Variants in TULP4 observed in about 807,000 individuals in gnomAD.
TULP4 encodes TUB like protein 4, also known as tubby-related protein 4.
A neutral mutation model predicts 129.0 loss-of-function variants in TULP4; 16 were observed. The ratio of observed to expected loss-of-function variants is 0.12; its 90% CI spans 0.08 to 0.19. The LOEUF (loss-of-function observed/expected upper bound fraction) is 0.19. Ranked by LOEUF, TULP4 falls within the 10% of genes least tolerant of loss-of-function variation. The probability of loss-of-function intolerance (pLI) is 1.00; values close to 1 mark genes in which losing one functional copy is unlikely to be tolerated. For synonymous variants in TULP4, 998 were observed against 854.0 expected (o/e 1.17, Z -2.94); for missense variants, 1,842 against 2,059.1 (o/e 0.89, Z 2.04).
intron 8 of TULP4, among the ~76,000 whole-genome samples, chr6:158,487,307 G>A (rs977282317): frequency 1.3e-5 from 2 of 152,236 alleles, no homozygotes; most frequent in African/African-American, 2.4e-5. Context: ...AGCCATGGCA[G>A]CATGCATCTG....
At chr6:158,354,387 A>T (rs1445132294) in intron 1 of TULP4, among the ~76,000 whole-genome samples, 2 of 152,240 alleles carry the variant, frequency 1.3e-5, no homozygotes, top group Non-Finnish European at 2.9e-5. Context: ...TGGGGCATAC[A>T]TTCTGTCGTA....
At chr6:158,403,997 T>TG (rs764529040) in intron 1 of TULP4, among the ~76,000 whole-genome samples, 6 of 152,200 alleles carry the variant, frequency 3.9e-5, no homozygotes, top group Non-Finnish European at 8.8e-5. Context: ...AAGATAAGAA[T>TG]GGCAACATTT....
chr6:158,469,761 A>G (rs1442300752), intron 6 of TULP4, among the ~76,000 whole-genome samples: 1 of 151,868 alleles, frequency 6.6e-6, no homozygotes, highest in Non-Finnish European at 1.5e-5. Flanking sequence ...ACGAGGGGAA[A>G]TGAGGAAAGG....
At chr6:158,306,103 TA>T (rs914670387) in intron 1 of TULP4, among the ~76,000 whole-genome samples, 24 of 152,142 alleles carry the variant, frequency 1.6e-4, no homozygotes, top group Admixed American at 2.6e-4. Flanking sequence ...AAAGTGGAAT[TA>T]AAAAAAACTG....
At chr6:158,370,108 A>G (rs542311403) in intron 1 of TULP4, among the ~76,000 whole-genome samples, 1 of 152,234 alleles carries the variant, frequency 6.6e-6, no homozygotes, top group Admixed American at 6.5e-5. Flanking sequence ...GCTACTTGGG[A>G]GGCTGACACA....
rs536524626 is a variant in TULP4, at chr6:158,362,645, C to T, written c.252+48377C>T. 3.3e-5 allele frequency among the ~76,000 whole-genome samples: 5 copies of T among 152,258 alleles called. No individual in the cohort carries two copies. In the East Asian group the frequency reaches 9.6e-4, roughly 29 times the overall value. ...GGTTACAGATGTGAGCCATGGTGCC[C>T]GGCCAGAGGGATTTTCATAATTATA... On this transcript the variant is annotated intron_variant, in intron 1 of 13. Coordinates refer to ENST00000367097, the MANE Select transcript of TULP4 (RefSeq NM_020245.5).
intron 1 of TULP4, among the ~76,000 whole-genome samples, chr6:158,378,465 T>TC (rs1777243399): frequency 1.4e-5 from 1 of 69,406 alleles, no homozygotes; most frequent in Non-Finnish European, 3.7e-5. Context: ...GGGAGCCAGT[T>TC]TTTTTTTTTT....
At chr6:158,439,404 C>T (rs879272978) in intron 3 of TULP4, among the ~76,000 whole-genome samples, 4 of 152,110 alleles carry the variant, frequency 2.6e-5, no homozygotes, top group Admixed American at 6.6e-5. Flanking sequence ...GAGCAGCTCT[C>T]ACTCCTACAC....
chr6:158,374,792 CT>C (rs1777149656), intron 1 of TULP4, among the ~76,000 whole-genome samples: 1 of 152,140 alleles, frequency 6.6e-6, no homozygotes, highest in African/African-American at 2.4e-5. Context: ...TGAATGGTAC[CT>C]CCTGGGACTC....
intron 1 of TULP4, among the ~76,000 whole-genome samples, chr6:158,240,952 G>C (rs28752065): frequency 0.14 from 19,358 of 137,806 alleles, 1,821 homozygotes; most frequent in Non-Finnish European, 0.2. Flanking sequence ...TTCTCAGTCA[G>C]GGCAGCTGCC....
At chr6:158,476,874 A>C (rs1779832356) in intron 6 of TULP4, among the ~76,000 whole-genome samples, 1 of 152,198 alleles carries the variant, frequency 6.6e-6, no homozygotes, top group Non-Finnish European at 1.5e-5. Flanking sequence ...AGTCAGCACC[A>C]TGTAGTAAGA....
chr6:158,331,240 G>A (rs1054964574), intron 1 of TULP4, among the ~76,000 whole-genome samples: 12 of 152,096 alleles, frequency 7.9e-5, no homozygotes, highest in African/African-American at 1.9e-4. Context: ...TTGCAAAAAC[G>A]GTGATTTTCC....
chr6:158,323,837 T>G (rs866619850), intron 1 of TULP4, among the ~76,000 whole-genome samples: 1 of 152,190 alleles, frequency 6.6e-6, no homozygotes, highest in Non-Finnish European at 1.5e-5. Context: ...TATTGTTAAG[T>G]TCTTGGAAAC....
Position 158,452,245 on chromosome 6 carries a change from C to G in TULP4, c.836C>G (p.Thr279Arg). 2 of 1,614,164 alleles carry G rather than the reference C, an allele frequency of 1.2e-6. No homozygotes were observed. The highest frequency in any genetic ancestry group is 1.3e-5 in the African/African-American group (1 of 75,048). ...LMNNYDDLSP[T>R]VIRSGLKEVV... The stretch of plus-strand genomic sequence containing the variant: ...AACAACTACGATGACTTGTCTCCCA[C>G]GGTCATCCGCTCAGGGCTGAAAGGT... The change falls in exon 5 of 14, where the codon ACG (threonine) becomes AGG (arginine). Residue 279 changes from threonine to arginine, a missense_variant. Physicochemically the swap from Thr to Arg is moderately conservative, Grantham distance 71. Transcript: ENST00000367097.
At chr6:158,299,921 CAG>C (rs1455782422) in intron 1 of TULP4, among the ~76,000 whole-genome samples, 4 of 152,058 alleles carry the variant, frequency 2.6e-5, no homozygotes, top group African/African-American at 4.8e-5. Flanking sequence ...AAGAGAAGAA[CAG>C]GGGGATGTTA....
At position 158,504,005 on chromosome 6, in the gene TULP4, C is replaced by T. The variant is rs774682466; in HGVS notation, c.4342C>T (p.Arg1448Trp). ...CGGCGAGCTGGAGGAGGCCAAGTGC[C>T]GGCGGGCCAGTGAGAAGGAGGACGG... ...AAGELEEAKC[R>W]RASEKEDGRL... Residue 1448 changes from arginine (R) to tryptophan (W), a missense_variant, in exon 13 of 14, where the codon CGG (arginine) becomes TGG (tryptophan). Transcript: ENST00000367097. 17 of 1,612,482 alleles carry T rather than the reference C, an allele frequency of 1.1e-5. No individual in the cohort carries two copies. Among genetic ancestry groups the T allele is most frequent in the Admixed American group, 1.7e-5 (1 of 59,784 alleles).
chr6:158,316,747 T>C (rs1300484322), intron 1 of TULP4, among the ~76,000 whole-genome samples: 1 of 152,194 alleles, frequency 6.6e-6, no homozygotes, highest in Non-Finnish European at 1.5e-5. Flanking sequence ...TCTCCCAGGC[T>C]GGGAAACGTG....
chr6:158,286,681 G>T (rs2128468786), intron 1 of TULP4, among the ~76,000 whole-genome samples: 1 of 152,258 alleles, frequency 6.6e-6, no homozygotes, highest in Non-Finnish European at 1.5e-5. Flanking sequence ...AACTCTTATT[G>T]TAATGGTATT....
rs1779441472 is a variant in TULP4 at position 158,462,042 on chromosome 6, TTCTTC to T, written c.1026+317_1026+321del. The stretch of plus-strand genomic sequence containing the variant: ...CACTTGTAGGAGAGGAAGAGTAATT[TTCTTC>T]TCTACTCTTAGTGAGTTCTTAGCAG... On this transcript the variant is annotated intron_variant, in intron 6 of 13. Transcript: ENST00000367097. 3.3e-5 allele frequency among the ~76,000 whole-genome samples: 5 copies of T among 152,330 alleles called. No individual in the cohort carries two copies. The South Asian group carries it at 1.0e-3, about 32-fold the overall frequency.
Sources: gnomAD v4.1 joint callset for allele counts (sites outside exome capture counted in the v4.1 genomes callset) on GRCh38, gnomAD v4.1.1 for gene constraint, MANE v1.5 for transcripts, NCBI Gene and HGNC (gene_info 2026-07-23, HGNC 2026-07-21) for gene names.